SERGEF: variants seen among roughly 807,000 people sequenced by gnomAD.
The protein encoded by SERGEF is secretion-regulating guanine nucleotide exchange factor.
Under a neutral mutation model 50.0 loss-of-function variants are expected in SERGEF, and 51 were observed. The observed-to-expected ratio is 1.02, with a 90% CI of 0.81 to 1.29. The LOEUF (loss-of-function observed/expected upper bound fraction) is 1.29. Ranked by LOEUF, SERGEF falls within the 50% of genes most tolerant of loss-of-function variation. The pLI is 0.00. For synonymous variants in SERGEF, 205 were observed against 212.4 expected (o/e 0.97, Z 0.30); for missense variants, 521 against 557.0 (o/e 0.94, Z 0.65).
intron 9 of SERGEF, among the ~76,000 whole-genome samples, chr11:17,932,310 A>G (rs17720513): frequency 0.12 from 18,315 of 152,200 alleles, 1,351 homozygotes; most frequent in Middle Eastern, 0.22. Flanking sequence ...TTCAACTGAG[A>G]GCCCATCACT....
At chr11:17,883,897 C>T (rs1182721367) in intron 9 of SERGEF, among the ~76,000 whole-genome samples, 2 of 148,058 alleles carry the variant, frequency 1.4e-5, no homozygotes, top group East Asian at 2.0e-4. Context: ...ATACCCATGG[C>T]GACAGAACGC....
At chr11:18,000,700 C>A in intron 4 of SERGEF, 143 bp from the exon 5 acceptor site, 1 of 722,606 alleles carries the variant, frequency 1.4e-6, no homozygotes, top group South Asian at 1.5e-5. Context: ...TATTTCCACC[C>A]ATTAATACCT....
chr11:17,965,859 A>C (rs886475576), intron 8 of SERGEF, among the ~76,000 whole-genome samples: 1 of 152,230 alleles, frequency 6.6e-6, no homozygotes, highest in Non-Finnish European at 1.5e-5. Context: ...AAACTACTCA[A>C]CAGCTCTAAG....
chr11:17,983,259 T>C (rs949937864), intron 8 of SERGEF, among the ~76,000 whole-genome samples: 2 of 152,208 alleles, frequency 1.3e-5, no homozygotes, highest in Admixed American at 1.3e-4. Context: ...TAATTCCCTT[T>C]GAAATTCTAA....
chr11:17,872,155 G>A (rs1851151383), intron 10 of SERGEF, among the ~76,000 whole-genome samples: 1 of 152,292 alleles, frequency 6.6e-6, no homozygotes, highest in African/African-American at 2.4e-5. Context: ...CACCATCCAC[G>A]TGAAGTTCAA....
chr11:17,976,457 A>ATTTT (rs67114053), intron 8 of SERGEF, among the ~76,000 whole-genome samples: 1 of 99,026 alleles, frequency 1.0e-5, no homozygotes, highest in African/African-American at 3.9e-5. Context: ...GCTAATTTTC[A>ATTTT]TTTTTTTTTT....
At position 17,839,729 on chromosome 11, in the gene SERGEF, C is replaced by T. The variant is rs139118851; in HGVS notation, c.1048+38479G>A. The stretch of plus-strand genomic sequence containing the variant: ...ACATGCCACAGGGCTGCCAGCTGAT[C>T]AGAGGCTCCGAAGCCTTCTCCCCAC... On this transcript the variant is annotated intron_variant, in intron 10 of 10. Coordinates refer to ENST00000265965, the MANE Select transcript of SERGEF (RefSeq NM_012139.4). Among the ~76,000 whole-genome samples, 244 of 152,324 alleles carry T rather than the reference C, an allele frequency of 1.6e-3. 1 individual carries two copies. The highest frequency in any genetic ancestry group is 5.6e-3 in the African/African-American group (232 of 41,572).
chr11:17,899,206 G>A (rs1851700619), intron 9 of SERGEF, among the ~76,000 whole-genome samples: 1 of 152,288 alleles, frequency 6.6e-6, no homozygotes, highest in East Asian at 1.9e-4. Context: ...ATAGCAGTGT[G>A]AGAACAGATA....
chr11:17,871,196 C>A (rs938485994), intron 10 of SERGEF, among the ~76,000 whole-genome samples: 2 of 152,094 alleles, frequency 1.3e-5, no homozygotes, highest in Non-Finnish European at 2.9e-5. Flanking sequence ...AAATAAATAA[C>A]TATTCATCAA....
chr11:17,998,662 C>T (rs536992346), intron 5 of SERGEF, among the ~76,000 whole-genome samples: 1 of 150,752 alleles, frequency 6.6e-6, no homozygotes, highest in South Asian at 2.1e-4. Flanking sequence ...CAGATAGGGG[C>T]TATGGAATGC....
intron 9 of SERGEF, among the ~76,000 whole-genome samples, chr11:17,902,289 G>T (rs990336189): frequency 6.6e-6 from 1 of 152,142 alleles, no homozygotes; most frequent in South Asian, 2.1e-4. Context: ...TTCAAAAGTT[G>T]GGAGTCTATC....
chr11:17,977,002 C>T (rs1055015123), intron 8 of SERGEF, among the ~76,000 whole-genome samples: 1 of 152,208 alleles, frequency 6.6e-6, no homozygotes, highest in Non-Finnish European at 1.5e-5. Flanking sequence ...GCCTGGGCTT[C>T]TCCAAGAAGG....
intron 10 of SERGEF, among the ~76,000 whole-genome samples, chr11:17,789,883 G>A (rs553625240): frequency 1.3e-5 from 2 of 152,332 alleles, no homozygotes; most frequent in South Asian, 2.1e-4. Context: ...TACTCAGGAG[G>A]CTGAGACAGG....
intron 10 of SERGEF, among the ~76,000 whole-genome samples, chr11:17,850,770 T>C (rs1850696724): frequency 6.6e-6 from 1 of 152,220 alleles, no homozygotes; most frequent in Non-Finnish European, 1.5e-5. Flanking sequence ...CATTTCTATA[T>C]ACACTTGCAC....
intron 10 of SERGEF, among the ~76,000 whole-genome samples, chr11:17,806,163 G>C (rs1849755165): frequency 6.6e-6 from 1 of 152,174 alleles, no homozygotes; most frequent in Admixed American, 6.5e-5. Flanking sequence ...ATAGAGCCCA[G>C]CAACATGGAT....
chr11:17,935,913 G>A (rs958982506), intron 9 of SERGEF, among the ~76,000 whole-genome samples: 1 of 152,142 alleles, frequency 6.6e-6, no homozygotes, highest in African/African-American at 2.4e-5. Flanking sequence ...CAGAGTGGAG[G>A]GAGCAGGATT....
At chr11:17,962,736 GAA>G (rs1167855253) in intron 8 of SERGEF, among the ~76,000 whole-genome samples, 1 of 152,208 alleles carries the variant, frequency 6.6e-6, no homozygotes, top group African/African-American at 2.4e-5. Flanking sequence ...GAAGTATGGA[GAA>G]AGAACACCTA....
intron 10 of SERGEF, among the ~76,000 whole-genome samples, chr11:17,865,351 T>C (rs960046624): frequency 6.6e-6 from 1 of 152,258 alleles, no homozygotes; most frequent in African/African-American, 2.4e-5. Context: ...TACTATACTA[T>C]ACTTTTTATT....
rs111663081 is a variant in SERGEF at position 17,884,881 on chromosome 11, T to C, written c.1012-6637A>G. Reference sequence around the variant, plus strand: ...TGCCTGGATGTCAAGCATGTGACATTATAGAATTTCACTTTACCTGCAATA... The same window carrying C: ...TGCCTGGATGTCAAGCATGTGACATCATAGAATTTCACTTTACCTGCAATA... On this transcript the variant is annotated intron_variant, in intron 9 of 10. Coordinates refer to ENST00000265965, the MANE Select transcript of SERGEF (RefSeq NM_012139.4). The surrounding 1 kb of genome is among the most constrained non-coding windows in gnomAD (Gnocchi z 4.6). Among the ~76,000 whole-genome samples, 9 of 152,230 alleles carry C rather than the reference T, an allele frequency of 5.9e-5. No individual in the cohort carries two copies. Among genetic ancestry groups the C allele is most frequent in the African/African-American group, 2.2e-4 (9 of 41,542 alleles).
Sources: gnomAD v4.1 joint callset for allele counts (sites outside exome capture counted in the v4.1 genomes callset) on GRCh38, gnomAD v4.1.1 for gene constraint, Gnocchi (gnomAD v3.1) non-coding constraint, MANE v1.5 for transcripts, NCBI Gene and HGNC (gene_info 2026-07-23, HGNC 2026-07-21) for gene names.